HMCN2: variants seen among roughly 807,000 people sequenced by gnomAD.
HMCN2 encodes hemicentin-2.
HMCN2 carries 325 observed loss-of-function variants against 377.5 expected under a neutral mutation model. The observed-to-expected ratio is 0.86, with a 90% CI of 0.79 to 0.94. The LOEUF (loss-of-function observed/expected upper bound fraction) is 0.94. HMCN2 is among the 40% of genes least tolerant of loss of function. The probability of loss-of-function intolerance (pLI) is 0.00; values close to 1 mark genes in which losing one functional copy is unlikely to be tolerated. For missense variants in HMCN2, 4,543 were observed against 4,725.3 expected (o/e 0.96, Z 1.13); for synonymous variants, 2,007 against 2,046.8 (o/e 0.98, Z 0.53).
At chr9:130,338,789 G>A (rs1430766499) in intron 23 of HMCN2, among the ~76,000 whole-genome samples, 1 of 152,260 alleles carries the variant, frequency 6.6e-6, no homozygotes, top group African/African-American at 2.4e-5. Flanking sequence ...TGTTTTCAGA[G>A]ATCATGAGCC....
chr9:130,427,414 C>T, intron 91 of HMCN2, 39 bp downstream of exon 91: 1 of 1,550,542 alleles, frequency 6.4e-7, no homozygotes, highest in Non-Finnish European at 8.7e-7. Context: ...TGGGAGGCCT[C>T]TCAGCCTGGG....
At chr9:130,288,744 G>A (rs143028445) in intron 4 of HMCN2, among the ~76,000 whole-genome samples, 152 of 152,314 alleles carry the variant, frequency 1.0e-3, no homozygotes, top group Admixed American at 2.4e-3. Context: ...CACAGCTAGG[G>A]CTTACTGCTT....
At position 130,432,449 on chromosome 9, in the gene HMCN2, G is replaced by A. The variant is rs558439644; in HGVS notation, c.14788G>A (p.Glu4930Lys). 6.4e-7 allele frequency: 1 copy of A among 1,551,046 alleles called. No individual in the cohort carries two copies. The highest frequency in any genetic ancestry group is 2.4e-5 in the East Asian group (1 of 40,912). Residue 4930 changes from glutamate to lysine, a missense_variant, in exon 97 of 98, where the codon GAG (glutamate) becomes AAG (lysine). Transcript: ENST00000683500. The part of the protein sequence containing the change: ...NCQDINECEE[E>K]SIECGPGQMC... ...TCCAGACATCAACGAGTGCGAGGAGGAGAGCATCGAGTGTGGACCCGGCCA... is the reference window on the plus strand; with the variant it reads ...TCCAGACATCAACGAGTGCGAGGAGAAGAGCATCGAGTGTGGACCCGGCCA...
chr9:130,402,071 T>G (rs911400007), intron 77 of HMCN2, among the ~76,000 whole-genome samples: 1 of 152,200 alleles, frequency 6.6e-6, no homozygotes, highest in Admixed American at 6.5e-5. Flanking sequence ...AGTGAGACTC[T>G]GTCTCAAAAC....
intron 1 of HMCN2, among the ~76,000 whole-genome samples, chr9:130,270,726 C>T (rs1834367446): frequency 6.7e-6 from 1 of 148,826 alleles, no homozygotes; most frequent in African/African-American, 2.4e-5. Context: ...GCTGGGACTA[C>T]AGGTGCACAC....
At chr9:130,392,736 G>C (rs112451847) in intron 66 of HMCN2, among the ~76,000 whole-genome samples, 25,490 of 149,790 alleles carry the variant, frequency 0.17, 2,497 homozygotes, top group Non-Finnish European at 0.23. Flanking sequence ...GGTGGCTCAC[G>C]CCTGTAATCC....
At chr9:130,286,478 C>T (rs1018712958) in intron 4 of HMCN2, among the ~76,000 whole-genome samples, 168 bp downstream of exon 4, 7 of 152,242 alleles carry the variant, frequency 4.6e-5, no homozygotes, top group African/African-American at 1.2e-4. Context: ...AGGCACAGGA[C>T]GCGCTGTGCT....
In HMCN2 at chr9:130,379,810, G is replaced by A. The variant is rs1200583361; in HGVS notation, c.8431+343G>A. ...CAAACGCTGACGAAGCTCTAGCTGG[G>A]CATTGAAGGGCACACTGTGGTGGCT... On this transcript the variant is annotated intron_variant, in intron 54 of 97. Transcript: ENST00000683500. Among the ~76,000 whole-genome samples, 3 of 152,220 alleles carry A rather than the reference G, an allele frequency of 2.0e-5. No homozygotes were observed. In the East Asian group the frequency reaches 5.8e-4, roughly 29 times the overall value.
At chr9:130,287,604 C>G (rs1470849670) in intron 4 of HMCN2, among the ~76,000 whole-genome samples, 1 of 151,312 alleles carries the variant, frequency 6.6e-6, no homozygotes, top group Non-Finnish European at 1.5e-5. Context: ...TGTGCCCCTC[C>G]CAGCTCCCTG....
In HMCN2 at chr9:130,394,444, C is replaced by T. The variant is rs1417411993; in HGVS notation, c.10561C>T (p.Pro3521Ser). 1 of 1,289,668 alleles carries T rather than the reference C, an allele frequency of 7.8e-7. No individual in the cohort carries two copies. Among genetic ancestry groups the T allele is most frequent in the African/African-American group, 1.5e-5 (1 of 65,876 alleles). The allele number at this position is 1,289,668 out of a possible 1,614,324, so 79.9% of individuals were successfully genotyped here. The change falls in exon 69 of 98, where the codon CCC (proline) becomes TCC (serine). Residue 3521 changes from proline to serine, a missense_variant. Physicochemically the swap from Pro to Ser is moderately conservative, Grantham distance 74. Around this residue, in one of 5 missense-constraint regions of HMCN2, gnomAD observed 1,073 missense variants for 1,319.5 expected, o/e 0.81. Transcript: ENST00000683500. This position sits in a 1 kb window ranked among gnomAD's most constrained non-coding sequence, Gnocchi z 5.1. ...PTELSLTPGAPMELLCDAQGT... is the reference protein window; with the variant it reads ...PTELSLTPGASMELLCDAQGT... Reference sequence around the variant, plus strand: ...AGAGCTGTCGCTGACCCCCGGCGCCCCCATGGAGCTCCTCTGTGATGCCCA... The same window carrying T: ...AGAGCTGTCGCTGACCCCCGGCGCCTCCATGGAGCTCCTCTGTGATGCCCA...
chr9:130,287,906 C>T (rs118079267), intron 4 of HMCN2, among the ~76,000 whole-genome samples: 6 of 152,286 alleles, frequency 3.9e-5, no homozygotes, highest in African/African-American at 9.6e-5. Flanking sequence ...TGTATATTTA[C>T]GAGCTGCAGA....
intron 15 of HMCN2, among the ~76,000 whole-genome samples, chr9:130,310,353 C>T (rs1313155343): frequency 2.0e-5 from 3 of 152,204 alleles, no homozygotes; most frequent in Non-Finnish European, 4.4e-5. Context: ...GGCTCAGGGT[C>T]CATCCTGAGA....
At chr9:130,368,928 G>A (rs1408145506) in intron 44 of HMCN2, among the ~76,000 whole-genome samples, 2 of 152,062 alleles carry the variant, frequency 1.3e-5, no homozygotes, top group Non-Finnish European at 2.9e-5. Flanking sequence ...TTTGGGTGGG[G>A]ACACAGCCAA....
intron 4 of HMCN2, among the ~76,000 whole-genome samples, chr9:130,287,985 T>A (rs1835510999): frequency 6.6e-6 from 1 of 152,194 alleles, no homozygotes; most frequent in African/African-American, 2.4e-5. Context: ...CGTTTATGGT[T>A]CTCTGCGACA....
At chr9:130,322,183 G>A (rs2131404589) in intron 19 of HMCN2, among the ~76,000 whole-genome samples, 1 of 152,146 alleles carries the variant, frequency 6.6e-6, no homozygotes, top group Non-Finnish European at 1.5e-5. Context: ...CTCTCTATAT[G>A]TATATCACAC....
intron 16 of HMCN2, among the ~76,000 whole-genome samples, 177 bp from the exon 17 acceptor site, chr9:130,320,179 A>C (rs1010691450): frequency 1.5e-4 from 23 of 152,246 alleles, no homozygotes; most frequent in African/African-American, 5.3e-4. Context: ...CTCACCTTCC[A>C]AGGTCCAGCG....
At chr9:130,297,804 A>T (rs1455203730) in intron 7 of HMCN2, among the ~76,000 whole-genome samples, 1 of 152,180 alleles carries the variant, frequency 6.6e-6, no homozygotes, top group Non-Finnish European at 1.5e-5. Context: ...GAAGCAGGGA[A>T]ACTTTGATTC....
chr9:130,302,302 T>C (rs1836560758), intron 8 of HMCN2, among the ~76,000 whole-genome samples: 1 of 152,180 alleles, frequency 6.6e-6, no homozygotes, highest in Admixed American at 6.5e-5. Context: ...CACCTCCGCC[T>C]CCCAAAGTGC....
At position 130,385,616 on chromosome 9, in the gene HMCN2, G is replaced by T. The variant is rs1442474369; in HGVS notation, c.9163G>T (p.Val3055Phe). Residue 3055 changes from valine to phenylalanine, a missense_variant, in exon 60 of 98, where the codon GTC becomes TTC. Transcript: ENST00000683500. The stretch of plus-strand genomic sequence containing the variant: ...TCCCCAGGATGCGGTCCTGGTGAGG[G>T]TCGGGGACAAAGCTGTCCTGAGCTG... ...RGPQDAVLVR[V>F]GDKAVLSCET... The T allele has an allele frequency of 3.1e-6, 4 of 1,304,170 alleles. No individual in the cohort carries two copies. In the South Asian group the frequency reaches 4.9e-5, roughly 16 times the overall value. 80.8% of individuals were successfully genotyped at this position (1,304,170 alleles called of 1,614,324 possible). A position where few individuals can be genotyped will look rare whatever the true frequency, so the allele number is the denominator to read the frequency against.
Sources: allele counts gnomAD v4.1 joint callset (sites outside exome capture counted in the v4.1 genomes callset), GRCh38; gene constraint gnomAD v4.1.1; regional missense constraint gnomAD v4.1.1; non-coding constraint Gnocchi (gnomAD v3.1); transcripts MANE v1.5; gene names NCBI Gene and HGNC (gene_info 2026-07-23, HGNC 2026-07-21).